Variants in KCNQ4 observed in about 807,000 individuals in gnomAD.
KCNQ4 encodes potassium voltage-gated channel subfamily KQT member 4.
In KCNQ4, 31 loss-of-function variants were observed where a neutral mutation model predicts 72.6. The ratio of observed to expected loss-of-function variants is 0.43; its 90% confidence interval spans 0.32 to 0.58. The LOEUF is 0.58. Among genes scored for constraint, KCNQ4 ranks in the 20% least tolerant of loss-of-function variants. KCNQ4 has a pLI of 0.08. For missense variants in KCNQ4, 869 were observed against 962.6 expected (o/e 0.90, Z 1.29); for synonymous variants, 405 against 403.7 (o/e 1.00, Z -0.04).
intron 1 of KCNQ4, among the ~76,000 whole-genome samples, chr1:40,798,020 C>T (rs1350486568): frequency 1.3e-5 from 2 of 152,050 alleles, no homozygotes; most frequent in African/African-American, 4.8e-5. Flanking sequence ...TGGGATTTGG[C>T]CCAGATAATG....
chr1:40,820,903 T>C (rs1338804011), intron 7 of KCNQ4, among the ~76,000 whole-genome samples: 3 of 152,182 alleles, frequency 2.0e-5, no homozygotes, highest in Admixed American at 2.0e-4. Flanking sequence ...CTTGGCTTTT[T>C]CTAGTCAGGG....
At position 40,838,497 on chromosome 1, in the gene KCNQ4, C is replaced by G. The variant is rs776946822; in HGVS notation, c.2062C>G (p.Arg688Gly). 1 of 1,614,138 alleles carries G rather than the reference C, an allele frequency of 6.2e-7. No homozygotes were observed. The highest frequency in any genetic ancestry group is 1.1e-5 in the South Asian group (1 of 91,090). Residue 688 changes from arginine (R) to glycine (G), a missense_variant, in exon 14 of 14, where the codon CGC becomes GGC. Around this residue, in one of 5 missense-constraint regions of KCNQ4, gnomAD observed 480 missense variants for 501.9 expected, o/e 0.96. Transcript: ENST00000347132. ...CTCCGCACAGACGCTCAGCATCTCC[C>G]GCTCGGTCAGCACCAACATGGACTG... ...SVSAQTLSIS[R>G]SVSTNMD is the part of the protein sequence containing the mutation.
At position 40,820,159 on chromosome 1, in the gene KCNQ4, C is replaced by A; in HGVS notation, c.946-6C>A. On this transcript the variant is annotated splice_region_variant and splice_polypyrimidine_tract_variant and intron_variant, in intron 6 of 13. Transcript: ENST00000347132. Reference sequence around the variant, plus strand: ...ACATTCCCCCAACCATGCCCTATCCCTCTAGGGCATCCTAGGCTCCGGCTT... The same window carrying A: ...ACATTCCCCCAACCATGCCCTATCCATCTAGGGCATCCTAGGCTCCGGCTT... 1 of 1,601,530 alleles carries A rather than the reference C, an allele frequency of 6.2e-7. No homozygotes were observed. The highest frequency in any genetic ancestry group is 2.3e-5 in the East Asian group (1 of 44,268).
In KCNQ4 at chr1:40,840,137, G is replaced by A. The variant is rs1025051139; in HGVS notation, c.*1614G>A. 3 of 152,118 alleles carry A rather than the reference G, an allele frequency of 2.0e-5. No homozygotes were observed. Among genetic ancestry groups the A allele is most frequent in the Non-Finnish European group, 4.4e-5 (3 of 68,080 alleles). 9.4% of individuals were successfully genotyped at this position (152,118 alleles called of 1,614,324 possible). ...TGCGCCAGCACCAGGGCTTGGACTGGATCTTACTCAGTCCATGGTGCCCAG... is the reference window on the plus strand; with the variant it reads ...TGCGCCAGCACCAGGGCTTGGACTGAATCTTACTCAGTCCATGGTGCCCAG... On this transcript the variant is annotated 3_prime_UTR_variant, in exon 14 of 14. Coordinates refer to ENST00000347132, the MANE Select transcript of KCNQ4 (RefSeq NM_004700.4).
At chr1:40,824,450 C>T (rs1176873840) in intron 9 of KCNQ4, among the ~76,000 whole-genome samples, 192 bp downstream of exon 9, 1 of 152,192 alleles carries the variant, frequency 6.6e-6, no homozygotes, top group African/African-American at 2.4e-5. Context: ...GCTGGACTCA[C>T]CTTTTTGTCC....
At chr1:40,786,085 T>C (rs1647199677) in intron 1 of KCNQ4, among the ~76,000 whole-genome samples, 1 of 151,728 alleles carries the variant, frequency 6.6e-6, no homozygotes, top group Admixed American at 6.6e-5. Context: ...GGCCCAGGGC[T>C]GGTGGAGTTG....
In KCNQ4 at chr1:40,840,333, G is replaced by A. The variant is rs1023464962; in HGVS notation, c.*1810G>A. On this transcript the variant is annotated 3_prime_UTR_variant, in exon 14 of 14. Coordinates refer to ENST00000347132, the MANE Select transcript of KCNQ4 (RefSeq NM_004700.4). ...ATTACCCTATGACCAAGGAGACATG[G>A]GAAGAAGCCCTCCTTCCTTCCACGA... 1 of 152,224 alleles carries A rather than the reference G, an allele frequency of 6.6e-6. No individual in the cohort carries two copies. The highest frequency in any genetic ancestry group is 1.5e-5 in the Non-Finnish European group (1 of 68,046). 9.4% of individuals were successfully genotyped at this position (152,224 alleles called of 1,614,324 possible).
intron 1 of KCNQ4, among the ~76,000 whole-genome samples, chr1:40,806,077 G>A (rs61781894): frequency 0.34 from 52,040 of 151,954 alleles, 9,153 homozygotes; most frequent in Non-Finnish European, 0.39. Flanking sequence ...TCCTGACCTC[G>A]TGATCCGCCT....
At chr1:40,832,671 G>C (rs2148330859) in intron 10 of KCNQ4, among the ~76,000 whole-genome samples, 1 of 152,306 alleles carries the variant, frequency 6.6e-6, no homozygotes, top group African/African-American at 2.4e-5. Flanking sequence ...CTTATCTCTG[G>C]GGCTCACTGT....
Position 40,835,060 on chromosome 1 carries a change from C to T in KCNQ4, c.1707C>T (p.His569=). Residue 569 remains histidine, a synonymous_variant, in exon 12 of 14, where the codon CAC becomes CAT. Transcript: ENST00000347132. ...TCATTGAGCAGTACTCAGCAGGCCA[C>T]CTGGACATGCTGGGCCGGATCAAGA... is the stretch of plus-strand genomic sequence containing the variant. The part of the protein sequence containing the change: ...KDVIEQYSAG[H]LDMLGRIKSL... 2 of 1,614,082 alleles carry T rather than the reference C, an allele frequency of 1.2e-6. No homozygotes were observed. The highest frequency in any genetic ancestry group is 4.5e-5 in the East Asian group (2 of 44,864).
chr1:40,790,033 T>G (rs1647248949), intron 1 of KCNQ4, among the ~76,000 whole-genome samples: 1 of 152,166 alleles, frequency 6.6e-6, no homozygotes. Context: ...AAGCTCCTAG[T>G]GTGGGAGTTG....
At position 40,831,201 on chromosome 1, in the gene KCNQ4, G is replaced by A. The variant is rs1648635124; in HGVS notation, c.1410G>A (p.Val470=). 6.2e-7 allele frequency: 1 copy of A among 1,610,482 alleles called. No individual in the cohort carries two copies. Among genetic ancestry groups the A allele is most frequent in the Non-Finnish European group, 8.5e-7 (1 of 1,178,518 alleles). ...CCACCTCCCCAAGCAGCGAGCAGGT[G>A]GGTGAGGCCACCAGCCCCACCAAGG... ...TMPTSPSSEQ[V]GEATSPTKVQ... is the part of the protein sequence containing the mutation. The change falls in exon 10 of 14, where the codon GTG becomes GTA. Residue 470 remains valine (V), a synonymous_variant. Transcript: ENST00000347132.
In KCNQ4 at chr1:40,833,120, CTG is replaced by C. The variant is rs772555025; in HGVS notation, c.1613+8_1613+9del. 3 of 1,601,586 alleles carry C rather than the reference CTG, an allele frequency of 1.9e-6. No individual in the cohort carries two copies. The highest frequency in any genetic ancestry group is 3.3e-5 in the Admixed American group (2 of 59,970). ...CAGTCATCCGCTCCATCAGGTAAGA[CTG>C]AGGCCTGAGGCGAGCACCCCCCTCC... On this transcript the variant is annotated splice_region_variant and intron_variant, in intron 11 of 13. Transcript: ENST00000347132.
chr1:40,802,406 G>C (rs905639611), intron 1 of KCNQ4, among the ~76,000 whole-genome samples: 2 of 152,296 alleles, frequency 1.3e-5, no homozygotes, highest in East Asian at 1.9e-4. Context: ...CCGGCCGGGC[G>C]GGGGAGGCCG....
chr1:40,834,087 C>T (rs1402923579), intron 11 of KCNQ4, among the ~76,000 whole-genome samples: 3 of 151,772 alleles, frequency 2.0e-5, no homozygotes, highest in Non-Finnish European at 4.4e-5. Context: ...TCTGCTTACC[C>T]CCTTTTCACC....
Position 40,794,183 on chromosome 1 carries a change from G to A in KCNQ4, c.314+9776G>A, listed in dbSNP as rs1456604652. Among the ~76,000 whole-genome samples the A allele has an allele frequency of 2.6e-5, 4 of 152,192 alleles. No homozygotes were observed. The highest frequency in any genetic ancestry group is 9.7e-5 in the African/African-American group (4 of 41,448). On this transcript the variant is annotated intron_variant, in intron 1 of 13. Coordinates refer to ENST00000347132, the MANE Select transcript of KCNQ4 (RefSeq NM_004700.4). This position sits in a 1 kb window ranked among gnomAD's most constrained non-coding sequence, Gnocchi z 4.2. ...GGGAACAGCAGAGCAAAGGCCTTGA[G>A]ATGGGACTTCCTTCCCCTCACTCCT... is the stretch of plus-strand genomic sequence containing the variant.
intron 1 of KCNQ4, among the ~76,000 whole-genome samples, chr1:40,810,281 G>A (rs1395051891): frequency 3.3e-5 from 5 of 152,022 alleles, no homozygotes; most frequent in African/African-American, 7.2e-5. Context: ...GGGGCACCCC[G>A]ACCCCTGTCC....
rs1255218524 is a variant in KCNQ4, at chr1:40,788,884, C to T, written c.314+4477C>T. 4.6e-5 allele frequency among the ~76,000 whole-genome samples: 7 copies of T among 152,168 alleles called. No homozygotes were observed. The highest frequency in any genetic ancestry group is 3.3e-4 in the Admixed American group (5 of 15,272). ...CTCACACATGCACTCACTGCAACAT[C>T]GACACACATGCACAAACACACACAC... On this transcript the variant is annotated intron_variant, in intron 1 of 13. Transcript: ENST00000347132. The surrounding 1 kb of genome is among the most constrained non-coding windows in gnomAD (Gnocchi z 4.5).
chr1:40,839,097 A>C lies in KCNQ4; in HGVS notation c.*574A>C, dbSNP rs528651819. The C allele has an allele frequency of 6.2e-6, 1 of 161,992 alleles. No homozygotes were observed. Among genetic ancestry groups the C allele is most frequent in the South Asian group, 1.7e-4 (1 of 5,826 alleles). 10.0% of individuals were successfully genotyped at this position (161,992 alleles called of 1,614,324 possible). On this transcript the variant is annotated 3_prime_UTR_variant, in exon 14 of 14. Transcript: ENST00000347132. ...CATGGGGTCTCTCTGTCCCTCCCCCATTGGGAGCTGGGCCCCCAGCAGTAG... is the reference window on the plus strand; with the variant it reads ...CATGGGGTCTCTCTGTCCCTCCCCCCTTGGGAGCTGGGCCCCCAGCAGTAG...
Sources: allele counts gnomAD v4.1 joint callset (sites outside exome capture counted in the v4.1 genomes callset), GRCh38; gene constraint gnomAD v4.1.1; regional missense constraint gnomAD v4.1.1; non-coding constraint Gnocchi (gnomAD v3.1); transcripts MANE v1.5; gene names NCBI Gene and HGNC (gene_info 2026-07-23, HGNC 2026-07-21).